The following FAF1 variants were observed in gnomAD, a reference collection of about 807,000 sequenced individuals.
FAF1 encodes FAS-associated factor 1.
Under a neutral mutation model 92.5 loss-of-function variants are expected in FAF1, and 25 were observed. The ratio of observed to expected loss-of-function variants is 0.27; its 90% CI spans 0.20 to 0.38. FAF1 has a LOEUF of 0.38. Among genes scored for constraint, FAF1 ranks in the 10% least tolerant of loss-of-function variants. FAF1 has a pLI of 1.00. For missense variants in FAF1, 636 were observed against 793.3 expected (o/e 0.80, Z 2.38); for synonymous variants, 234 against 273.2 (o/e 0.86, Z 1.42).
intron 13 of FAF1, among the ~76,000 whole-genome samples, chr1:50,555,737 T>A (rs1649544050): frequency 6.6e-6 from 1 of 152,148 alleles, no homozygotes; most frequent in East Asian, 1.9e-4. Context: ...AGATCTACCA[T>A]TTGATTCAGC....
chr1:50,894,228 G>C (rs543059654), intron 1 of FAF1, among the ~76,000 whole-genome samples: 1 of 151,442 alleles, frequency 6.6e-6, no homozygotes, highest in East Asian at 1.9e-4. Flanking sequence ...GAACCCAGGA[G>C]GTGGAGGTTG....
chr1:50,588,262 A>G (rs923767355), intron 9 of FAF1, among the ~76,000 whole-genome samples: 1 of 152,126 alleles, frequency 6.6e-6, no homozygotes, highest in Non-Finnish European at 1.5e-5. Context: ...ATTTTCATAT[A>G]TTTTGTATAG....
chr1:50,834,257 G>A (rs372074289), intron 2 of FAF1, among the ~76,000 whole-genome samples: 1 of 152,298 alleles, frequency 6.6e-6, no homozygotes. Context: ...TGTACGGCCT[G>A]CAGAACTGTA....
At chr1:50,832,883 C>T (rs1008012569) in intron 2 of FAF1, among the ~76,000 whole-genome samples, 1 of 152,106 alleles carries the variant, frequency 6.6e-6, no homozygotes, top group Non-Finnish European at 1.5e-5. Flanking sequence ...AAAAATTAAG[C>T]TATTTATTTC....
At chr1:50,756,604 T>C (rs1341173429) in intron 4 of FAF1, among the ~76,000 whole-genome samples, 2 of 152,214 alleles carry the variant, frequency 1.3e-5, no homozygotes, top group African/African-American at 2.4e-5. Flanking sequence ...ACCAATTTAC[T>C]GTATTAGTCC....
chr1:50,895,659 C>T (rs1644752265), intron 1 of FAF1, among the ~76,000 whole-genome samples: 1 of 152,110 alleles, frequency 6.6e-6, no homozygotes, highest in Non-Finnish European at 1.5e-5. Context: ...TACTAACAAA[C>T]TGAATTCAAC....
rs55916309 is a variant in FAF1, at chr1:50,766,581, C to G, written c.367+21419G>C. ...AGCAGATCTTTGGAGGGAAGGCATT[C>G]AGAGTGGATGAAGGGAGGACAAAGA... On this transcript the variant is annotated intron_variant, in intron 4 of 18. Transcript: ENST00000396153. Among the ~76,000 whole-genome samples the G allele has an allele frequency of 7.7e-3, 1,165 of 151,768 alleles. 13 individuals are homozygous for G. Among genetic ancestry groups the G allele is most frequent in the African/African-American group, 0.027 (1,125 of 41,340 alleles).
intron 2 of FAF1, among the ~76,000 whole-genome samples, chr1:50,839,186 GA>G (rs938933275): frequency 1.3e-4 from 20 of 149,532 alleles, no homozygotes; most frequent in African/African-American, 4.6e-4. Context: ...AAGAAAAGCA[GA>G]AAAAAAAAGG....
intron 8 of FAF1, among the ~76,000 whole-genome samples, chr1:50,620,652 T>C (rs1653152224): frequency 6.6e-6 from 1 of 152,246 alleles, no homozygotes; most frequent in East Asian, 1.9e-4. Flanking sequence ...AGAGTTCTTG[T>C]GTTGATTCTT....
chr1:50,452,020 A>G (rs911632989), intron 18 of FAF1: 12 of 1,270,418 alleles, frequency 9.4e-6, no homozygotes, highest in African/African-American at 7.7e-5. Context: ...AAATGACAAT[A>G]TAAGTGGGGA....
At chr1:50,451,187 G>A (rs1646289567) in intron 18 of FAF1, among the ~76,000 whole-genome samples, 1 of 152,208 alleles carries the variant, frequency 6.6e-6, no homozygotes, top group African/African-American at 2.4e-5. Context: ...TTTAAGGTGG[G>A]AAAGAGAGAA....
intron 1 of FAF1, among the ~76,000 whole-genome samples, chr1:50,938,540 G>T (rs1379435426): frequency 6.6e-6 from 1 of 152,196 alleles, no homozygotes; most frequent in African/African-American, 2.4e-5. Context: ...TGTTTACACT[G>T]TTGATAGTTT....
At chr1:50,766,482 C>T (rs1376331776) in intron 4 of FAF1, among the ~76,000 whole-genome samples, 3 of 151,972 alleles carry the variant, frequency 2.0e-5, no homozygotes, top group African/African-American at 7.3e-5. Flanking sequence ...CTGAAGATGG[C>T]CAACTAGCTG....
chr1:50,463,713 C>T (rs1309944222), intron 18 of FAF1, among the ~76,000 whole-genome samples: 1 of 152,152 alleles, frequency 6.6e-6, no homozygotes, highest in African/African-American at 2.4e-5. Flanking sequence ...TTGTTAATTC[C>T]TCTGTCTAAC....
intron 8 of FAF1, among the ~76,000 whole-genome samples, chr1:50,635,776 G>A (rs1270027752): frequency 2.0e-5 from 3 of 152,082 alleles, no homozygotes; most frequent in Non-Finnish European, 2.9e-5. Flanking sequence ...TGTCATGCCT[G>A]GCCTTTGCCA....
intron 17 of FAF1, among the ~76,000 whole-genome samples, 161 bp from the exon 18 acceptor site, chr1:50,475,840 T>C (rs1490869567): frequency 1.3e-5 from 2 of 152,206 alleles, no homozygotes; most frequent in Admixed American, 6.5e-5. Flanking sequence ...TAGAATAATG[T>C]ATTTTTCATT....
At chr1:50,943,805 G>A (rs1645152994) in intron 1 of FAF1, among the ~76,000 whole-genome samples, 1 of 152,206 alleles carries the variant, frequency 6.6e-6, no homozygotes, top group African/African-American at 2.4e-5. Flanking sequence ...CATGTTTCTA[G>A]GAGGGAGATA....
chr1:50,692,256 T>A (rs1421485924), intron 7 of FAF1, among the ~76,000 whole-genome samples: 2 of 145,346 alleles, frequency 1.4e-5, no homozygotes, highest in Non-Finnish European at 3.1e-5. Context: ...TGTGTGTGTG[T>A]GTGTGTGTGT....
intron 12 of FAF1, among the ~76,000 whole-genome samples, chr1:50,574,342 C>T (rs1650610684): frequency 6.6e-6 from 1 of 152,184 alleles, no homozygotes; most frequent in African/African-American, 2.4e-5. Flanking sequence ...AGCAGGCATG[C>T]TCTTTGGGGA....
Sources: gnomAD v4.1 joint callset for allele counts (sites outside exome capture counted in the v4.1 genomes callset) on GRCh38, gnomAD v4.1.1 for gene constraint, MANE v1.5 for transcripts, NCBI Gene and HGNC (gene_info 2026-07-23, HGNC 2026-07-21) for gene names.